The following WDR43 variants were observed in gnomAD, a reference collection of about 807,000 sequenced individuals.
WDR43 encodes the protein WD repeat-containing protein 43.
WDR43 carries 13 observed loss-of-function variants against 91.4 expected under a neutral mutation model. The observed-to-expected ratio is 0.14, with a 90% CI of 0.09 to 0.23. The LOEUF (loss-of-function observed/expected upper bound fraction) is 0.23. Ranked by LOEUF, WDR43 falls within the 10% of genes least tolerant of loss-of-function variation. The pLI is 1.00. For missense variants in WDR43, 780 were observed against 809.4 expected (o/e 0.96, Z 0.44); for synonymous variants, 331 against 287.9 (o/e 1.15, Z -1.51).
chr2:28,927,813 T>G, intron 10 of WDR43, 113 bp downstream of exon 10: 1 of 1,380,594 alleles, frequency 7.2e-7, no homozygotes, highest in Non-Finnish European at 9.9e-7. Flanking sequence ...TTACTGAGAT[T>G]TCTCCTGTTA....
At chr2:28,918,939 T>C (rs1260358014) in intron 6 of WDR43, among the ~76,000 whole-genome samples, 1 of 152,170 alleles carries the variant, frequency 6.6e-6, no homozygotes, top group Admixed American at 6.5e-5. Context: ...GAGATGATCA[T>C]CATGTTTTAA....
intron 6 of WDR43, among the ~76,000 whole-genome samples, chr2:28,921,403 G>GGT (rs1314960824): frequency 6.6e-6 from 1 of 152,158 alleles, no homozygotes. Context: ...TGGGTTTACA[G>GGT]GTGTGAGCCA....
chr2:28,914,040 TCTC>T (rs1558373291), intron 4 of WDR43, 26 bp from the exon 5 acceptor site: 1 of 1,609,438 alleles, frequency 6.2e-7, no homozygotes, highest in South Asian at 1.1e-5. Context: ...TTGAATCTGC[TCTC>T]CTAACTGAGA....
intron 3 of WDR43, among the ~76,000 whole-genome samples, chr2:28,909,084 A>G (rs959721025): frequency 6.6e-6 from 1 of 151,992 alleles, no homozygotes; most frequent in African/African-American, 2.4e-5. Flanking sequence ...TTTCTTGGAA[A>G]ACTTCTCTGT....
intron 3 of WDR43, among the ~76,000 whole-genome samples, chr2:28,910,694 T>TATATATATATATAC (rs1001847583): frequency 1.0e-4 from 15 of 148,308 alleles, no homozygotes. Flanking sequence ...TATATATATA[T>TATATATATATATAC]AATTATTATT....
At chr2:28,921,471 G>A (rs1671024784) in intron 6 of WDR43, among the ~76,000 whole-genome samples, 1 of 152,124 alleles carries the variant, frequency 6.6e-6, no homozygotes, top group South Asian at 2.1e-4. Flanking sequence ...GATGGATCAG[G>A]AAGCCAAGTT....
At chr2:28,910,708 A>AT (rs955081102) in intron 3 of WDR43, among the ~76,000 whole-genome samples, 1 of 127,486 alleles carries the variant, frequency 7.8e-6, no homozygotes, top group African/African-American at 2.7e-5. Flanking sequence ...TATTATTTTT[A>AT]TTTTTTTTGA....
chr2:28,931,341 A>C (rs1572599108), intron 11 of WDR43, among the ~76,000 whole-genome samples: 2 of 152,132 alleles, frequency 1.3e-5, no homozygotes, highest in Admixed American at 1.3e-4. Context: ...TGGCCTCCCA[A>C]AGTCCTGGGA....
chr2:28,907,446 C>CCAA (rs1553326139), intron 3 of WDR43, among the ~76,000 whole-genome samples: 1 of 19,244 alleles, frequency 5.2e-5, no homozygotes, highest in Non-Finnish European at 2.4e-4. Context: ...CACCTCTTTA[C>CCAA]AAAAAAAAAA....
At position 28,946,564 on chromosome 2, in the gene WDR43, C is replaced by T. The variant is rs777484388; in HGVS notation, c.1855-36C>T. ...TCCTCATACTCTGTAAGAATGAGAC[C>T]TTCATGAATGCTTTCCTTGTTGGTA... is the stretch of plus-strand genomic sequence containing the variant. On this transcript the variant is annotated intron_variant, in intron 17 of 17. Coordinates refer to ENST00000407426, the MANE Select transcript of WDR43 (RefSeq NM_015131.3). 39 of 1,578,830 alleles carry T rather than the reference C, an allele frequency of 2.5e-5. 1 individual carries two copies. In the South Asian group the frequency reaches 4.4e-4, roughly 18 times the overall value.
chr2:28,898,270 A>C (rs1670517578), intron 1 of WDR43, among the ~76,000 whole-genome samples: 4 of 152,236 alleles, frequency 2.6e-5, no homozygotes, highest in Admixed American at 2.6e-4. Flanking sequence ...AGCACATGGC[A>C]TTTCAGACAT....
intron 9 of WDR43, 70 bp downstream of exon 9, chr2:28,926,624 G>A: frequency 4.6e-6 from 6 of 1,316,154 alleles, no homozygotes; most frequent in Non-Finnish European, 6.3e-6. Flanking sequence ...CTGTTACTTA[G>A]TATTATGATT....
At chr2:28,902,560 G>C (rs1294415377) in intron 2 of WDR43, among the ~76,000 whole-genome samples, 2 of 152,216 alleles carry the variant, frequency 1.3e-5, no homozygotes, top group Non-Finnish European at 2.9e-5. Flanking sequence ...TGAGAAGGAG[G>C]CTCCAGCTGC....
intron 1 of WDR43, among the ~76,000 whole-genome samples, chr2:28,897,350 A>C (rs991378719): frequency 2.6e-5 from 4 of 152,184 alleles, no homozygotes; most frequent in Admixed American, 2.6e-4. Flanking sequence ...TTTATTTTAC[A>C]TCTTTGAGGC....
chr2:28,919,655 CA>C (rs879362160), intron 6 of WDR43, among the ~76,000 whole-genome samples: 16 of 132,222 alleles, frequency 1.2e-4, no homozygotes, highest in African/African-American at 1.6e-4. Context: ...GACTCCGTCT[CA>C]AAAAAAAAAA....
Position 28,941,716 on chromosome 2 carries a change from G to A in WDR43, c.1734+142G>A, listed in dbSNP as rs528374116. 56 of 618,532 alleles carry A rather than the reference G, an allele frequency of 9.1e-5. 1 individual carries two copies. The highest frequency in any genetic ancestry group is 5.5e-4 in the Admixed American group (19 of 34,630). 38.3% of individuals were successfully genotyped at this position (618,532 alleles called of 1,614,324 possible). ...CATGATCATAGCTCACTGCAGCCTC[G>A]CTCAAGTGCCTCCCAAGTAGCTGGG... On this transcript the variant is annotated intron_variant, in intron 15 of 17. Coordinates refer to ENST00000407426, the MANE Select transcript of WDR43 (RefSeq NM_015131.3).
At chr2:28,904,741 GA>G (rs1398261024) in intron 2 of WDR43, among the ~76,000 whole-genome samples, 1 of 152,218 alleles carries the variant, frequency 6.6e-6, no homozygotes, top group Non-Finnish European at 1.5e-5. Flanking sequence ...AGGAAGGAAG[GA>G]AAGTAACTGA....
At chr2:28,936,526 A>G (rs1418289364) in intron 12 of WDR43, among the ~76,000 whole-genome samples, 1 of 152,212 alleles carries the variant, frequency 6.6e-6, no homozygotes, top group Non-Finnish European at 1.5e-5. Flanking sequence ...ATCGAGATAC[A>G]ATTCACGTAG....
chr2:28,942,245 G>C, intron 15 of WDR43, 67 bp from the exon 16 acceptor site: 1 of 1,505,984 alleles, frequency 6.6e-7, no homozygotes, highest in South Asian at 1.2e-5. Flanking sequence ...GGTTGGGTAT[G>C]CTGGTGGTCG....
Sources: gnomAD v4.1 joint callset for allele counts (sites outside exome capture counted in the v4.1 genomes callset) on GRCh38, gnomAD v4.1.1 for gene constraint, MANE v1.5 for transcripts, NCBI Gene and HGNC (gene_info 2026-07-23, HGNC 2026-07-21) for gene names.